MYH15: variants seen among roughly 807,000 people sequenced by gnomAD.
The protein encoded by MYH15 is myosin heavy chain 15, also known as myosin-15.
In MYH15, 227 loss-of-function variants were observed where a neutral mutation model predicts 240.5. The observed-to-expected ratio is 0.94, with a 90% confidence interval of 0.85 to 1.05. The LOEUF is 1.05. Ranked by LOEUF, MYH15 falls within the 50% of genes least tolerant of loss-of-function variation. The pLI is 0.00. For missense variants in MYH15, 2,217 were observed against 2,247.5 expected (o/e 0.99, Z 0.27); for synonymous variants, 785 against 796.7 (o/e 0.99, Z 0.25).
chr3:108,542,973 C>T, the MYH15 span, among the ~76,000 whole-genome samples: 31 of 151,308 alleles, frequency 2.0e-4, no homozygotes, highest in African/African-American at 7.3e-4. Context: ...CTCTGCCTCA[C>T]GGGCTCAAGT....
rs1205859482 is a variant in MYH15 at position 108,414,214 on chromosome 3, T to G, written c.4145+18A>C. The G allele has an allele frequency of 1.9e-6, 3 of 1,610,372 alleles. No homozygotes were observed. The highest frequency in any genetic ancestry group is 1.7e-6 in the Non-Finnish European group (2 of 1,177,156). On this transcript the variant is annotated intron_variant, in intron 30 of 40. Transcript: ENST00000693548. ...CATGTGAGTAACTCCAGGTTAAGGA[T>G]AGCCTTGCCCTACTCACTTGGCATC... is the stretch of plus-strand genomic sequence containing the variant.
chr3:108,542,562 T>C, the MYH15 span, among the ~76,000 whole-genome samples: 1 of 152,182 alleles, frequency 6.6e-6, no homozygotes, highest in Non-Finnish European at 1.5e-5. Context: ...CATTGAATAT[T>C]CTTTACTCCT....
rs778804255 is a variant in MYH15 at position 108,444,675 on chromosome 3, G to A, written c.2620C>T (p.Gln874Ter). Residue 874 changes from glutamine to a stop codon, truncating the protein, a stop_gained, in exon 22 of 41, where the codon CAG becomes TAG. Transcript: ENST00000693548. LOFTEE classifies it high-confidence loss of function. ...TGAAGAATCAGGTCATTTTTTTCCT[G>A]AGTGAGGGATACTTGCTTTGCTTTC... ...ELKAKQVSLT[Q>*]EKNDLILQLQ... 3 of 1,613,756 alleles carry A rather than the reference G, an allele frequency of 1.9e-6. No homozygotes were observed. The East Asian group carries it at 6.7e-5, about 36-fold the overall frequency.
intron 14 of MYH15, 124 bp downstream of exon 14, chr3:108,469,918 G>T: frequency 2.2e-6 from 2 of 892,844 alleles, no homozygotes; most frequent in Non-Finnish European, 3.3e-6. Flanking sequence ...AAGATAAAAT[G>T]TGCAGGGCTT....
At chr3:108,433,368 G>C (rs1263575262) in intron 25 of MYH15, among the ~76,000 whole-genome samples, 1 of 152,228 alleles carries the variant, frequency 6.6e-6, no homozygotes, top group Admixed American at 6.5e-5. Flanking sequence ...AGGCAGAAGG[G>C]ACTTGCCTTG....
At chr3:108,496,787 C>T (rs1319753588) in intron 6 of MYH15, among the ~76,000 whole-genome samples, 1 of 144,832 alleles carries the variant, frequency 6.9e-6, no homozygotes, top group African/African-American at 2.5e-5. Flanking sequence ...TAGACCAAAC[C>T]ATTTAATGCG....
At chr3:108,541,577 T>C in the MYH15 span, among the ~76,000 whole-genome samples, 7 of 152,236 alleles carry the variant, frequency 4.6e-5, no homozygotes, top group African/African-American at 7.2e-5. Context: ...ATGAAAAAGT[T>C]TGTTAACACC....
Position 108,437,669 on chromosome 3 carries a change from C to T in MYH15, c.3106G>A (p.Ala1036Thr), listed in dbSNP as rs1246479721. Residue 1036 changes from alanine to threonine, a missense_variant, in exon 25 of 41, where the codon GCG (alanine) becomes ACG (threonine). Physicochemically the swap from Ala to Thr is moderately conservative, Grantham distance 58 (BLOSUM62 0). Coordinates refer to ENST00000693548, the MANE Select transcript of MYH15 (RefSeq NM_014981.3). ...LEGALEQERK[A>T]RMNCERELHK... ...AGTTCCCTTTCACAGTTCATTCTCG[C>T]TTTTCTCTCCTGCTCAAGGGCACCC... The T allele has an allele frequency of 1.9e-6, 3 of 1,613,594 alleles. No homozygotes were observed. Among genetic ancestry groups the T allele is most frequent in the Non-Finnish European group, 2.5e-6 (3 of 1,179,924 alleles).
intron 3 of MYH15, among the ~76,000 whole-genome samples, chr3:108,500,522 G>A (rs2083428358): frequency 6.6e-6 from 1 of 152,126 alleles, no homozygotes; most frequent in South Asian, 2.1e-4. Context: ...GACACATGAA[G>A]CTTCTGAAGA....
In MYH15 at chr3:108,399,085, A is replaced by G; in HGVS notation, c.4919T>C (p.Ile1640Thr). 1 of 1,613,344 alleles carries G rather than the reference A, an allele frequency of 6.2e-7. No homozygotes were observed. Among genetic ancestry groups the G allele is most frequent in the Non-Finnish European group, 8.5e-7 (1 of 1,179,596 alleles). ...ACAGTTTTAAAATACCTTGATTTGA[A>G]TCTGAAGCTGGCCCAGGGATTTGGT... ...EATKSLGQLQ[I>T]QIKDLQMQLD... Residue 1640 changes from isoleucine to threonine, a missense_variant, in exon 34 of 41, where the codon ATT becomes ACT. Ile to Thr is a moderately conservative substitution (Grantham distance 89, BLOSUM62 -1). Coordinates refer to ENST00000693548, the MANE Select transcript of MYH15 (RefSeq NM_014981.3).
intron 7 of MYH15, 106 bp from the exon 8 acceptor site, chr3:108,493,283 T>C: frequency 3.2e-6 from 2 of 619,304 alleles, no homozygotes; most frequent in Non-Finnish European, 5.5e-6. Flanking sequence ...AAGGACTACT[T>C]CCCCAGAAGT....
At chr3:108,456,461 A>G (rs1292473533) in intron 19 of MYH15, among the ~76,000 whole-genome samples, 6 of 152,148 alleles carry the variant, frequency 3.9e-5, no homozygotes, top group Non-Finnish European at 7.3e-5. Context: ...GCTACGATTA[A>G]GTATACACAA....
intron 12 of MYH15, among the ~76,000 whole-genome samples, chr3:108,474,467 T>G (rs1322077490): frequency 6.8e-6 from 1 of 147,754 alleles, no homozygotes; most frequent in Non-Finnish European, 1.5e-5. Context: ...TTTTTTTTTA[T>G]TTTTTATTTT....
At chr3:108,445,054 CA>C (rs1230900338) in intron 21 of MYH15, among the ~76,000 whole-genome samples, 159 bp from the exon 22 acceptor site, 1 of 152,158 alleles carries the variant, frequency 6.6e-6, no homozygotes, top group Non-Finnish European at 1.5e-5. Context: ...TTGATTCTGG[CA>C]AAAACTCTCC....
At chr3:108,447,750 A>T (rs921821734) in intron 21 of MYH15, among the ~76,000 whole-genome samples, 1 of 152,160 alleles carries the variant, frequency 6.6e-6, no homozygotes, top group Non-Finnish European at 1.5e-5. Flanking sequence ...AAACAAAAGG[A>T]TGCTAACTAA....
intron 22 of MYH15, among the ~76,000 whole-genome samples, chr3:108,442,772 CTT>C (rs5851593): frequency 0.22 from 32,052 of 143,064 alleles, 4,231 homozygotes; most frequent in Non-Finnish European, 0.31. Flanking sequence ...CAAAATATTT[CTT>C]TTTTTTTTTT....
At chr3:108,393,973 G>A (rs1449497444) in intron 36 of MYH15, 58 bp downstream of exon 36, 3 of 1,610,022 alleles carry the variant, frequency 1.9e-6, no homozygotes, top group Non-Finnish European at 2.5e-6. Flanking sequence ...CCTGCCCCTT[G>A]GCCACTGCGC....
rs1368518788 is a variant in MYH15 at position 108,410,793 on chromosome 3, A to G, written c.4285T>C (p.Ser1429Pro). 1 of 1,614,112 alleles carries G rather than the reference A, an allele frequency of 6.2e-7. No individual in the cohort carries two copies. The change falls in exon 31 of 41, where the codon TCT becomes CCT. Residue 1429 changes from serine (S) to proline (P), a missense_variant. Ser to Pro is a moderately conservative substitution (Grantham distance 74, BLOSUM62 -1). Transcript: ENST00000693548. Reference protein sequence around the residue: ...DALSDLGKVRSAAARLDQKQL... With the variant: ...DALSDLGKVRPAAARLDQKQL... Reference sequence around the variant, plus strand: ...TTCTGGTCCAGCCTGGCTGCTGCAGAGCGGACCTTCCCGAGGTCAGACAGG... The same window carrying G: ...TTCTGGTCCAGCCTGGCTGCTGCAGGGCGGACCTTCCCGAGGTCAGACAGG...
Position 108,410,625 on chromosome 3 carries a change from C to A in MYH15, c.4453G>T (p.Val1485Leu), listed in dbSNP as rs200554722. ...KLKNTYEESI[V>L]GQETLRRENK... ...TCCCTCCTGAGTGTCTCCTGGCCCA[C>A]GATGCTCTCCTCATAGGTGTTCTTG... Residue 1485 changes from valine (V) to leucine (L), a missense_variant, in exon 31 of 41, where the codon GTG (valine) becomes TTG (leucine). Transcript: ENST00000693548. 2.5e-6 allele frequency: 4 copies of A among 1,606,750 alleles called. No individual in the cohort carries two copies. The African/African-American group carries it at 5.3e-5, about 21-fold the overall frequency.
Sources: gnomAD v4.1 joint callset for allele counts (sites outside exome capture counted in the v4.1 genomes callset) on GRCh38, gnomAD v4.1.1 for gene constraint, MANE v1.5 for transcripts, NCBI Gene and HGNC (gene_info 2026-07-23, HGNC 2026-07-21) for gene names.